HOXB3: variants seen among roughly 807,000 people sequenced by gnomAD.
HOXB3 encodes homeobox protein Hox-B3.
In HOXB3, 17 loss-of-function variants were observed where a neutral mutation model predicts 29.2. That is an observed-to-expected ratio of 0.58 (90% confidence interval 0.40 to 0.87). The LOEUF is 0.87. Among genes scored for constraint, HOXB3 ranks in the 40% least tolerant of loss-of-function variants. The pLI, the probability that HOXB3 is intolerant of heterozygous loss-of-function variation, is 0.00. For missense variants in HOXB3, 637 were observed against 616.3 expected (o/e 1.03, Z -0.35); for synonymous variants, 317 against 285.9 (o/e 1.11, Z -1.10).
Position 48,576,965 on chromosome 17 carries a change from G to A in HOXB3, c.-424-2951C>T, listed in dbSNP as rs779395632. The A allele has an allele frequency of 4.3e-6, 7 of 1,613,366 alleles. No homozygotes were observed. The Admixed American group carries it at 8.3e-5, about 19-fold the overall frequency. ...CCTTCTCCAGCTCCAAGACCTGCTG[G>A]CGCGTGTAGGCGGTCCGAGAGCGCT... On this transcript the variant is annotated intron_variant, in intron 1 of 4. Transcript: ENST00000498678.
At chr17:48,557,598 C>T (rs2069037803) in intron 2 of HOXB3, among the ~76,000 whole-genome samples, 1 of 152,150 alleles carries the variant, frequency 6.6e-6, no homozygotes. Flanking sequence ...TTCCTGCCCT[C>T]CAGCAACAGA....
At position 48,550,424 on chromosome 17, in the gene HOXB3, T is replaced by G; in HGVS notation, c.1206A>C (p.Glu402Asp). Residue 402 changes from glutamate to aspartate, a missense_variant, in exon 5 of 5, where the codon GAA (glutamate) becomes GAC (aspartate). Physicochemically the swap from Glu to Asp is conservative, Grantham distance 45. Coordinates refer to ENST00000498678, the MANE Select transcript of HOXB3 (RefSeq NM_001384749.1). The part of the protein sequence containing the change: ...MAPSQHHGPC[E>D]PHPTYTDLSS... ...AGAGGTCTGTGTAGGTGGGGTGGGG[T>G]TCGCAGGGTCCGTGGTGCTGGCTGG... 1.9e-6 allele frequency: 3 copies of G among 1,613,608 alleles called. No homozygotes were observed. The highest frequency in any genetic ancestry group is 2.5e-6 in the Non-Finnish European group (3 of 1,179,886).
chr17:48,551,064 T>C lies in HOXB3; in HGVS notation c.566A>G (p.Lys189Arg). 1 of 1,559,648 alleles carries C rather than the reference T, an allele frequency of 6.4e-7. No homozygotes were observed. Among genetic ancestry groups the C allele is most frequent in the Non-Finnish European group, 8.7e-7 (1 of 1,149,010 alleles). ...GCTCGTGTACGCCGTCCGCGCCCGCTTGGACGCCGCCGACCCCGGGGGGCT... is the reference window on the plus strand; with the variant it reads ...GCTCGTGTACGCCGTCCGCGCCCGCCTGGACGCCGCCGACCCCGGGGGGCT... The part of the protein sequence containing the change: ...DKSPPGSAAS[K>R]RARTAYTSAQ... The change falls in exon 5 of 5, where the codon AAG becomes AGG. Residue 189 changes from lysine (K) to arginine (R), a missense_variant. Lys to Arg is a conservative substitution (Grantham distance 26). Coordinates refer to ENST00000498678, the MANE Select transcript of HOXB3 (RefSeq NM_001384749.1).
chr17:48,567,730 G>C (rs1440335567), intron 2 of HOXB3, among the ~76,000 whole-genome samples: 1 of 152,170 alleles, frequency 6.6e-6, no homozygotes, highest in Non-Finnish European at 1.5e-5. Flanking sequence ...CTGATTCCTA[G>C]AACATTTCTT....
At chr17:48,583,725 A>G (rs1230640839) in intron 1 of HOXB3, among the ~76,000 whole-genome samples, 1 of 152,200 alleles carries the variant, frequency 6.6e-6, no homozygotes, top group Non-Finnish European at 1.5e-5. Context: ...GCTGGAACAG[A>G]AGGAGATGGA....
chr17:48,566,508 CG>C (rs981338585), intron 2 of HOXB3, among the ~76,000 whole-genome samples: 1 of 151,460 alleles, frequency 6.6e-6, no homozygotes, highest in African/African-American at 2.4e-5. Flanking sequence ...CAGACTTCCA[CG>C]TCACAGGCAA....
chr17:48,588,099 G>A (rs145111389), intron 1 of HOXB3, among the ~76,000 whole-genome samples: 6 of 152,336 alleles, frequency 3.9e-5, no homozygotes, highest in Non-Finnish European at 5.9e-5. Flanking sequence ...AGAGGACAGA[G>A]GTCTGGGGCA....
chr17:48,563,311 G>A (rs951149993), intron 2 of HOXB3, among the ~76,000 whole-genome samples: 2 of 152,182 alleles, frequency 1.3e-5, no homozygotes, highest in Admixed American at 6.5e-5. Flanking sequence ...GGGGCAGTGT[G>A]TCTAGAGCTA....
chr17:48,557,152 G>A (rs2069023101), intron 2 of HOXB3: 1 of 152,412 alleles, frequency 6.6e-6, no homozygotes, highest in African/African-American at 2.4e-5. Context: ...TCCCAAAGCA[G>A]GAGTGTTTGC....
chr17:48,587,861 C>G (rs2070075935), intron 1 of HOXB3, among the ~76,000 whole-genome samples: 1 of 152,258 alleles, frequency 6.6e-6, no homozygotes, highest in Non-Finnish European at 1.5e-5. Flanking sequence ...GGTGGCCAGG[C>G]TGGCCTCAGA....
rs1380738645 is a variant in HOXB3 at position 48,552,352 on chromosome 17, C to T, written c.123G>A (p.Thr41=). The T allele has an allele frequency of 3.1e-6, 5 of 1,613,754 alleles. No homozygotes were observed. Among genetic ancestry groups the T allele is most frequent in the Non-Finnish European group, 4.2e-6 (5 of 1,179,840 alleles). The change falls in exon 4 of 5, where the codon ACG becomes ACA. Residue 41 remains threonine, a synonymous_variant. Coordinates refer to ENST00000498678, the MANE Select transcript of HOXB3 (RefSeq NM_001384749.1). ...VPPQPPFQAA[T]HLEGDYQRSA... ...AGCGCTGGTAGTCGCCCTCCAGGTG[C>T]GTGGCGGCCTGAAATGGGGGTTGGG...
intron 1 of HOXB3, among the ~76,000 whole-genome samples, chr17:48,586,710 C>G (rs1007244184): frequency 2.6e-5 from 4 of 152,158 alleles, no homozygotes; most frequent in African/African-American, 9.7e-5. Context: ...ATTTAACTCT[C>G]TTAATTAAAT....
chr17:48,576,612 A>C, intron 1 of HOXB3: 1 of 940,338 alleles, frequency 1.1e-6, no homozygotes, highest in Non-Finnish European at 1.5e-6. Context: ...GAGGGCAGAT[A>C]GATTTTTCCG....
Position 48,554,644 on chromosome 17 carries a change from G to A in HOXB3, c.-159+887C>T, listed in dbSNP as rs954159236. On this transcript the variant is annotated intron_variant, in intron 3 of 4. Coordinates refer to ENST00000498678, the MANE Select transcript of HOXB3 (RefSeq NM_001384749.1). The surrounding 1 kb of genome is among the most constrained non-coding windows in gnomAD (Gnocchi z 4.1). ...TACCAGCCACCTACGATGGCCCAAG[G>A]AGGCGAAGAAGAGCAAGCGATCAGG... is the stretch of plus-strand genomic sequence containing the variant. The A allele has an allele frequency of 2.3e-5, 16 of 702,160 alleles. No individual in the cohort carries two copies. The highest frequency in any genetic ancestry group is 1.9e-4 in the African/African-American group (11 of 57,242). The allele number at this position is 702,160 out of a possible 1,614,324, so 43.5% of individuals were successfully genotyped here.
intron 3 of HOXB3, chr17:48,553,515 T>C (rs1597814499): frequency 6.6e-6 from 1 of 152,114 alleles, no homozygotes; most frequent in South Asian, 2.1e-4. Context: ...TCTGTTTTCT[T>C]TGATTTCCCC....
intron 2 of HOXB3, among the ~76,000 whole-genome samples, chr17:48,565,938 C>G (rs1180706781): frequency 6.6e-6 from 1 of 152,218 alleles, no homozygotes. Flanking sequence ...GGGTCCCTCT[C>G]TTCCTCATCT....
chr17:48,590,156 T>C lies in HOXB3; in HGVS notation c.-456A>G, dbSNP rs953594867. Reference sequence around the variant, plus strand: ...AATGCTGGCCTGGGCCGCCGCTGCCTTCTGGGCTGGTCCGGCTGCTCCAGG... The same window carrying C: ...AATGCTGGCCTGGGCCGCCGCTGCCCTCTGGGCTGGTCCGGCTGCTCCAGG... On this transcript the variant is annotated 5_prime_UTR_variant, in exon 1 of 5. Coordinates refer to ENST00000498678, the MANE Select transcript of HOXB3 (RefSeq NM_001384749.1). 3.3e-5 allele frequency: 5 copies of C among 152,250 alleles called. No homozygotes were observed. The highest frequency in any genetic ancestry group is 7.3e-5 in the Non-Finnish European group (5 of 68,064). The allele number at this position is 152,250 out of a possible 1,614,324, so 9.4% of individuals were successfully genotyped here. A position where few individuals can be genotyped will look rare whatever the true frequency, so the allele number is the denominator to read the frequency against.
rs1348597710 is a variant in HOXB3, at chr17:48,551,119, C to G, written c.511G>C (p.Gly171Arg). 1.5e-6 allele frequency: 2 copies of G among 1,355,002 alleles called. No individual in the cohort carries two copies. Among genetic ancestry groups the G allele is most frequent in the Non-Finnish European group, 1.9e-6 (2 of 1,053,214 alleles). 83.9% of individuals were successfully genotyped at this position (1,355,002 alleles called of 1,614,324 possible). Reference protein sequence around the residue: ...GGGGSGGSGGGGGGGGGGDKS... With the variant: ...GGGGSGGSGGRGGGGGGGDKS... ...TCCCCTCCCCCGCCGCCGCCGCCAC[C>G]GCCCCCGCTGCCACCACTGCCTCCG... Residue 171 changes from glycine to arginine, a missense_variant, in exon 5 of 5, where the codon GGT becomes CGT. Physicochemically the swap from Gly to Arg is moderately radical, Grantham distance 125 (BLOSUM62 -2). Transcript: ENST00000498678.
At chr17:48,585,285 G>T (rs1441504950) in intron 1 of HOXB3, among the ~76,000 whole-genome samples, 1 of 152,150 alleles carries the variant, frequency 6.6e-6, no homozygotes, top group African/African-American at 2.4e-5. Flanking sequence ...CACCCGAGTG[G>T]GGCCGAGGTT....
Sources: gnomAD v4.1 joint callset for allele counts (sites outside exome capture counted in the v4.1 genomes callset) on GRCh38, gnomAD v4.1.1 for gene constraint, Gnocchi (gnomAD v3.1) non-coding constraint, MANE v1.5 for transcripts, NCBI Gene and HGNC (gene_info 2026-07-23, HGNC 2026-07-21) for gene names.